Variants in PPME1 observed in about 807,000 individuals in gnomAD.
The protein encoded by PPME1 is testicular secretory protein Li 39.
In PPME1, 17 loss-of-function variants were observed where a neutral mutation model predicts 56.9. That is an observed-to-expected ratio of 0.30 (90% CI 0.20 to 0.45). PPME1 has a LOEUF of 0.45. Ranked by LOEUF, PPME1 falls within the 20% of genes least tolerant of loss-of-function variation. The pLI is 1.00. For missense variants in PPME1, 357 were observed against 483.2 expected (o/e 0.74, Z 2.45); for synonymous variants, 122 against 156.2 (o/e 0.78, Z 1.63).
intron 3 of PPME1, among the ~76,000 whole-genome samples, chr11:74,206,885 AG>A (rs1227847767): frequency 1.3e-5 from 2 of 152,200 alleles, no homozygotes; most frequent in Non-Finnish European, 2.9e-5. Flanking sequence ...GAAAAAAACC[AG>A]CCACATCTTT....
chr11:74,236,027 G>T lies in PPME1; in HGVS notation c.710+61G>T. On this transcript the variant is annotated intron_variant, in intron 8 of 13. Coordinates refer to ENST00000328257, the MANE Select transcript of PPME1 (RefSeq NM_016147.3). The stretch of plus-strand genomic sequence containing the variant: ...GCGGAAACATGGTGAGGGAATTACA[G>T]ATTGCTTCTTTTGTCTTACACCAAT... 1.9e-6 allele frequency: 3 copies of T among 1,578,214 alleles called. No homozygotes were observed. The Admixed American group carries it at 5.5e-5, about 29-fold the overall frequency.
At chr11:74,252,014 AATC>A in intron 13 of PPME1, 2 of 587,244 alleles carry the variant, frequency 3.4e-6, no homozygotes. Flanking sequence ...CTGGGATAGG[AATC>A]AGTCCTTTTC....
chr11:74,236,119 CAT>C, intron 8 of PPME1, 153 bp downstream of exon 8: 1 of 1,266,716 alleles, frequency 7.9e-7, no homozygotes, highest in Non-Finnish European at 1.1e-6. Flanking sequence ...TTGGGACAGA[CAT>C]AGATTTTCTT....
intron 9 of PPME1, among the ~76,000 whole-genome samples, chr11:74,240,558 C>A (rs1289349132): frequency 6.6e-6 from 1 of 152,188 alleles, no homozygotes; most frequent in Non-Finnish European, 1.5e-5. Flanking sequence ...GGTGATGCTG[C>A]TGTTAGCAAG....
chr11:74,234,289 G>C (rs1228733207), intron 7 of PPME1, among the ~76,000 whole-genome samples: 1 of 152,178 alleles, frequency 6.6e-6, no homozygotes, highest in Non-Finnish European at 1.5e-5. Context: ...ATACTAGTTA[G>C]AAGAGGCTGA....
chr11:74,197,612 G>GTTTA (rs1858021451), intron 1 of PPME1, among the ~76,000 whole-genome samples: 1 of 152,194 alleles, frequency 6.6e-6, no homozygotes, highest in African/African-American at 2.4e-5. Context: ...AAGTCCCATA[G>GTTTA]TTTAATAAAG....
chr11:74,221,155 ATT>A (rs781680884), intron 3 of PPME1, among the ~76,000 whole-genome samples: 3 of 152,172 alleles, frequency 2.0e-5, no homozygotes, highest in Non-Finnish European at 2.9e-5. Context: ...AAAGGTTGGA[ATT>A]TCAAATATAT....
intron 8 of PPME1, among the ~76,000 whole-genome samples, chr11:74,237,139 C>T (rs1480510162): frequency 6.7e-6 from 1 of 149,472 alleles, no homozygotes; most frequent in Non-Finnish European, 1.5e-5. Flanking sequence ...CATAATTTAA[C>T]ATATTCCTTT....
chr11:74,252,389 G>A (rs1859723301), intron 13 of PPME1: 1 of 453,714 alleles, frequency 2.2e-6, no homozygotes, highest in Admixed American at 2.4e-5. Flanking sequence ...AAGCCACCGC[G>A]CCTGGCCTAG....
At chr11:74,194,468 T>A (rs1227482370) in intron 1 of PPME1, among the ~76,000 whole-genome samples, 1 of 152,100 alleles carries the variant, frequency 6.6e-6, no homozygotes, top group Non-Finnish European at 1.5e-5. Flanking sequence ...TACTTAACTT[T>A]TGACCTGGGT....
chr11:74,203,623 A>G (rs1858233441), intron 1 of PPME1, 105 bp from the exon 2 acceptor site: 8 of 706,884 alleles, frequency 1.1e-5, no homozygotes, highest in Non-Finnish European at 1.9e-5. Flanking sequence ...AAGAGAAAAT[A>G]CCTTTGCTGT....
chr11:74,226,459 A>G (rs1262552460), intron 5 of PPME1, among the ~76,000 whole-genome samples: 1 of 152,222 alleles, frequency 6.6e-6, no homozygotes, highest in African/African-American at 2.4e-5. Context: ...AAAGTATGAA[A>G]AGAGAGGTAA....
At chr11:74,245,938 T>C in intron 9 of PPME1, 138 bp from the exon 10 acceptor site, 3 of 867,980 alleles carry the variant, frequency 3.5e-6, no homozygotes, top group Admixed American at 3.2e-5. Flanking sequence ...ATTGAATGTA[T>C]ATTAAAATGT....
chr11:74,237,593 A>C (rs1326499507), intron 8 of PPME1, among the ~76,000 whole-genome samples: 2 of 151,578 alleles, frequency 1.3e-5, no homozygotes, highest in Non-Finnish European at 1.5e-5. Flanking sequence ...CTTTTTTTTT[A>C]ATGTCAGGAG....
intron 1 of PPME1, among the ~76,000 whole-genome samples, chr11:74,174,208 A>G (rs763023905): frequency 1.3e-5 from 2 of 152,186 alleles, no homozygotes; most frequent in Admixed American, 6.5e-5. Flanking sequence ...TAAATGAGGG[A>G]ACTGAGACTC....
intron 13 of PPME1, among the ~76,000 whole-genome samples, chr11:74,252,737 C>T (rs1392878795): frequency 6.6e-6 from 1 of 152,134 alleles, no homozygotes; most frequent in Non-Finnish European, 1.5e-5. Flanking sequence ...TTACCAAATG[C>T]CTCAAGGGAG....
chr11:74,187,269 G>T (rs60218608), intron 1 of PPME1, among the ~76,000 whole-genome samples: 15,822 of 152,086 alleles, frequency 0.1, 2,153 homozygotes, highest in African/African-American at 0.32. Context: ...GTTTGTCAAC[G>T]TCTGCAAAGA....
chr11:74,250,921 C>T (rs199615688), intron 11 of PPME1, 33 bp from the exon 12 acceptor site: 38 of 1,549,186 alleles, frequency 2.5e-5, no homozygotes, highest in Non-Finnish European at 2.9e-5. Flanking sequence ...CTCTTTTAGT[C>T]GCTGAAGTTG....
intron 7 of PPME1, among the ~76,000 whole-genome samples, chr11:74,234,303 A>G (rs977662810): frequency 6.6e-6 from 1 of 152,250 alleles, no homozygotes; most frequent in Non-Finnish European, 1.5e-5. Context: ...AGGCTGAACT[A>G]GAGATAAATT....
Sources: allele counts gnomAD v4.1 joint callset (sites outside exome capture counted in the v4.1 genomes callset), GRCh38; gene constraint gnomAD v4.1.1; transcripts MANE v1.5; gene names NCBI Gene and HGNC (gene_info 2026-07-23, HGNC 2026-07-21).